Variants in GNPAT observed in about 807,000 individuals in gnomAD.
GNPAT encodes dihydroxyacetone phosphate acyltransferase.
GNPAT carries 30 observed loss-of-function variants against 78.4 expected under a neutral mutation model. That is an observed-to-expected ratio of 0.38 (90% CI 0.29 to 0.52). The LOEUF is 0.52. GNPAT is among the 20% of genes least tolerant of loss of function. The pLI, the probability that GNPAT is intolerant of heterozygous loss-of-function variation, is 0.84. For missense variants in GNPAT, 714 were observed against 812.2 expected, an observed-to-expected ratio of 0.88 and a Z score of 1.47; for synonymous variants, 271 against 281.1, an observed-to-expected ratio of 0.96 and a Z score of 0.36.
intron 11 of GNPAT, 79 bp downstream of exon 11, chr1:231,272,470 C>G: frequency 1.2e-6 from 1 of 810,642 alleles, no homozygotes; most frequent in East Asian, 2.6e-5. Context: ...ACAGATGTGT[C>G]TCAGGCAGTG....
chr1:231,271,659 A>G (rs937582153), intron 10 of GNPAT, among the ~76,000 whole-genome samples: 1 of 152,212 alleles, frequency 6.6e-6, no homozygotes, highest in African/African-American at 2.4e-5. Flanking sequence ...ATACCAGGAA[A>G]TATGAATATA....
intron 5 of GNPAT, 22 bp from the exon 6 acceptor site, chr1:231,265,690 T>G: frequency 2.1e-6 from 3 of 1,455,030 alleles, no homozygotes; most frequent in Non-Finnish European, 2.9e-6. Context: ...GGTTTTGTGT[T>G]TTGTTTGTTT....
At chr1:231,248,743 T>C (rs2102799634) in intron 1 of GNPAT, among the ~76,000 whole-genome samples, 1 of 152,338 alleles carries the variant, frequency 6.6e-6, no homozygotes, top group Admixed American at 6.5e-5. Flanking sequence ...CATAAGATTA[T>C]AATATCGTAT....
intron 2 of GNPAT, among the ~76,000 whole-genome samples, chr1:231,253,377 A>G (rs1684955466): frequency 6.6e-6 from 1 of 152,230 alleles, no homozygotes; most frequent in African/African-American, 2.4e-5. Context: ...ACCTCTTGGA[A>G]TCTGCTCTGG....
intron 1 of GNPAT, among the ~76,000 whole-genome samples, chr1:231,242,778 C>T (rs538125455): frequency 6.6e-6 from 1 of 152,308 alleles, no homozygotes; most frequent in Non-Finnish European, 1.5e-5. Context: ...TTTACTTCCC[C>T]TTTACCAACG....
chr1:231,242,312 C>T (rs1684635603), intron 1 of GNPAT, among the ~76,000 whole-genome samples: 1 of 152,108 alleles, frequency 6.6e-6, no homozygotes, highest in African/African-American at 2.4e-5. Flanking sequence ...ATTAGCATAT[C>T]CTGGTGATTA....
At position 231,241,567 on chromosome 1, in the gene GNPAT, A is replaced by C. The variant is rs1684606762; in HGVS notation, c.78+111A>C. The C allele has an allele frequency of 3.7e-6, 3 of 810,106 alleles. No individual in the cohort carries two copies. In the Admixed American group the frequency reaches 5.4e-5, roughly 15 times the overall value. 50.2% of individuals were successfully genotyped at this position (810,106 alleles called of 1,614,324 possible). ...CCCTTGCCCAAAAGAGCTGGCCCCT[A>C]GGCTCCCGAGGAGGGGTTAGTTGGT... On this transcript the variant is annotated intron_variant, in intron 1 of 15. Transcript: ENST00000366647.
At chr1:231,250,879 A>G in intron 1 of GNPAT, 82 bp from the exon 2 acceptor site, 2 of 908,128 alleles carry the variant, frequency 2.2e-6, no homozygotes, top group South Asian at 1.3e-5. Context: ...TTTGTCAAAG[A>G]TGAAACCTTA....
rs1685683298 is a variant in GNPAT at position 231,275,394 on chromosome 1, C to T, written c.1844-11C>T. The T allele has an allele frequency of 5.0e-6, 8 of 1,592,760 alleles. No individual in the cohort carries two copies. The highest frequency in any genetic ancestry group is 6.9e-6 in the Non-Finnish European group (8 of 1,160,588). ...ACTGGTCAACTAACTCTTCCTCACC[C>T]CCAATTTTAGGTACCTCTCAATGTT... On this transcript the variant is annotated splice_polypyrimidine_tract_variant and intron_variant, in intron 13 of 15. Transcript: ENST00000366647.
In GNPAT at chr1:231,262,797, GTCTTT is replaced by G; in HGVS notation, c.518_522del (p.Phe173SerfsTer5). 1 of 1,608,428 alleles carries G rather than the reference GTCTTT, an allele frequency of 6.2e-7. No individual in the cohort carries two copies. The highest frequency in any genetic ancestry group is 8.5e-7 in the Non-Finnish European group (1 of 1,174,876). ...GAAGTTACATTGACTTCCTCATGTT[GTCTTT>G]TCTTCTATACAATTATGATTTGCCT... On this transcript the variant is annotated frameshift_variant, in exon 4 of 16. Coordinates refer to ENST00000366647, the MANE Select transcript of GNPAT (RefSeq NM_014236.4). LOFTEE classifies it high-confidence loss of function.
intron 2 of GNPAT, among the ~76,000 whole-genome samples, chr1:231,259,822 T>G (rs1232586368): frequency 6.6e-6 from 1 of 152,172 alleles, no homozygotes; most frequent in Non-Finnish European, 1.5e-5. Context: ...TTACTTATCC[T>G]ACAGACTTCA....
intron 9 of GNPAT, among the ~76,000 whole-genome samples, chr1:231,268,168 T>C (rs1685444534): frequency 6.6e-6 from 1 of 152,042 alleles, no homozygotes; most frequent in South Asian, 2.1e-4. Context: ...CCAGGCGTGG[T>C]GGTAGGCGCC....
At chr1:231,269,427 A>T (rs1685488790) in intron 9 of GNPAT, among the ~76,000 whole-genome samples, 1 of 152,152 alleles carries the variant, frequency 6.6e-6, no homozygotes, top group Non-Finnish European at 1.5e-5. Flanking sequence ...CCATCAGAAG[A>T]CTGGAGGTAT....
rs1571960060 is a variant in GNPAT, at chr1:231,275,333, T to C, written c.1843+13T>C. 6.3e-7 allele frequency: 1 copy of C among 1,591,302 alleles called. No individual in the cohort carries two copies. Among genetic ancestry groups the C allele is most frequent in the Non-Finnish European group, 8.6e-7 (1 of 1,159,070 alleles). ...CTTCTCGATCAAGGTCAGTCACTGC[T>C]CTGTGGGTGCTGATTTCTTTTAGTT... On this transcript the variant is annotated intron_variant, in intron 13 of 15. Coordinates refer to ENST00000366647, the MANE Select transcript of GNPAT (RefSeq NM_014236.4).
chr1:231,244,923 AC>A lies in GNPAT; in HGVS notation c.78+3468del, dbSNP rs58738922. The stretch of plus-strand genomic sequence containing the variant: ...ATGCCTTACTACAGTGTCCCACAAG[AC>A]TGTACATGATCTCTTAACTGCTATT... On this transcript the variant is annotated intron_variant, in intron 1 of 15. Coordinates refer to ENST00000366647, the MANE Select transcript of GNPAT (RefSeq NM_014236.4). Among the ~76,000 whole-genome samples, 1,082 of 152,282 alleles carry A rather than the reference AC, an allele frequency of 7.1e-3. 9 individuals are homozygous for A. Among genetic ancestry groups the A allele is most frequent in the Non-Finnish European group, 9.5e-3 (648 of 68,020 alleles).
Position 231,266,382 on chromosome 1 carries a change from C to G in GNPAT, c.1030C>G (p.Arg344Gly). 6.2e-7 allele frequency: 1 copy of G among 1,613,772 alleles called. No individual in the cohort carries two copies. The highest frequency in any genetic ancestry group is 8.5e-7 in the Non-Finnish European group (1 of 1,179,714). The stretch of plus-strand genomic sequence containing the variant: ...ATCTTTGGCAGCTGGGAGGATGAGT[C>G]GGAGCTCATATAACTTGGTTCCAAG... ...LRSLAAGRMSRSSYNLVPRYI... is the reference protein window; with the variant it reads ...LRSLAAGRMSGSSYNLVPRYI... The change falls in exon 8 of 16, where the codon CGG (arginine) becomes GGG (glycine). Residue 344 changes from arginine (R) to glycine (G), a missense_variant. Arg to Gly is a moderately radical substitution (Grantham distance 125, BLOSUM62 -2). Coordinates refer to ENST00000366647, the MANE Select transcript of GNPAT (RefSeq NM_014236.4).
chr1:231,270,430 A>G (rs993366469), intron 9 of GNPAT, among the ~76,000 whole-genome samples: 10 of 152,310 alleles, frequency 6.6e-5, no homozygotes, highest in Non-Finnish European at 7.4e-5. Flanking sequence ...TGCTGTTAGA[A>G]AACTTTAGAT....
At chr1:231,259,153 T>TA (rs1200334892) in intron 2 of GNPAT, among the ~76,000 whole-genome samples, 1 of 126,370 alleles carries the variant, frequency 7.9e-6, no homozygotes, top group Non-Finnish European at 1.7e-5. Flanking sequence ...ACTATATTTA[T>TA]AAACTTTTTT....
intron 4 of GNPAT, 46 bp downstream of exon 4, chr1:231,262,898 T>C (rs1184776932): frequency 1.4e-6 from 2 of 1,476,402 alleles, no homozygotes; most frequent in East Asian, 2.3e-5. Context: ...ATTAAAAAGT[T>C]CACTGGCATA....
Sources: gnomAD v4.1 joint callset for allele counts (sites outside exome capture counted in the v4.1 genomes callset) on GRCh38, gnomAD v4.1.1 for gene constraint, MANE v1.5 for transcripts, NCBI Gene and HGNC (gene_info 2026-07-23, HGNC 2026-07-21) for gene names.